Variants in CTNNA2 observed in about 807,000 individuals in gnomAD.
CTNNA2 encodes catenin alpha-2.
CTNNA2 carries 42 observed loss-of-function variants against 101.0 expected under a neutral mutation model. The ratio of observed to expected loss-of-function variants is 0.42; its 90% confidence interval spans 0.32 to 0.54. CTNNA2 has a LOEUF of 0.54. Ranked by LOEUF, CTNNA2 falls within the 20% of genes least tolerant of loss-of-function variation. CTNNA2 has a pLI of 0.14. For synonymous variants in CTNNA2, 450 were observed against 456.4 expected, an observed-to-expected ratio of 0.99 and a Z score of 0.18; for missense variants, 871 against 1,223.1, an observed-to-expected ratio of 0.71 and a Z score of 4.29.
intron 7 of CTNNA2, among the ~76,000 whole-genome samples, chr2:80,128,385 G>A (rs1702247917): frequency 6.6e-6 from 1 of 152,102 alleles, no homozygotes; most frequent in Admixed American, 6.6e-5. Flanking sequence ...TGAGGGCTTT[G>A]GGAGGATTGA....
chr2:80,196,825 G>A (rs1056211974), intron 7 of CTNNA2, among the ~76,000 whole-genome samples: 2 of 152,162 alleles, frequency 1.3e-5, no homozygotes, highest in African/African-American at 2.4e-5. Context: ...GGATCATGCA[G>A]CATCTCTGCT....
intron 15 of CTNNA2, among the ~76,000 whole-genome samples, chr2:80,598,990 A>G (rs939905485): frequency 2.6e-5 from 4 of 152,168 alleles, no homozygotes; most frequent in Admixed American, 2.6e-4. Context: ...ATAGTGAAAG[A>G]TGAATATTCC....
chr2:79,378,600 A>G (rs898572672), intron 4 of CTNNA2, among the ~76,000 whole-genome samples: 1 of 152,130 alleles, frequency 6.6e-6, no homozygotes, highest in Non-Finnish European at 1.5e-5. Context: ...TGTCACTCTA[A>G]ATATGTAGTT....
chr2:79,486,202 C>A (rs1284420703), intron 4 of CTNNA2, among the ~76,000 whole-genome samples: 1 of 151,614 alleles, frequency 6.6e-6, no homozygotes, highest in African/African-American at 2.4e-5. Flanking sequence ...TTAGGTATAT[C>A]TCCTAATGCT....
At position 79,381,058 on chromosome 2, in the gene CTNNA2, G is replaced by A. The variant is rs138752642; in HGVS notation, c.-135+7045G>A. 1.1e-3 allele frequency among the ~76,000 whole-genome samples: 162 copies of A among 152,182 alleles called. 1 individual carries two copies. Among genetic ancestry groups the A allele is most frequent in the African/African-American group, 3.6e-3 (151 of 41,524 alleles). ...TTCTTGGATTTTTGTAGAATTTTTC[G>A]GGGACAGATTGGTTATGTCAATTAA... On this transcript the variant is annotated intron_variant, in intron 4 of 21. Coordinates refer to the CTNNA2 transcript ENST00000466387.
intron 7 of CTNNA2, among the ~76,000 whole-genome samples, chr2:80,114,721 T>G (rs1468194507): frequency 6.6e-6 from 1 of 152,200 alleles, no homozygotes; most frequent in Non-Finnish European, 1.5e-5. Flanking sequence ...AATTGCATTT[T>G]CTAACCTACC....
chr2:80,200,324 G>A (rs571507041), intron 7 of CTNNA2, among the ~76,000 whole-genome samples: 3 of 152,180 alleles, frequency 2.0e-5, no homozygotes, highest in South Asian at 2.1e-4. Context: ...CATGAGGCCC[G>A]GAAGGGATGA....
intron 3 of CTNNA2, among the ~76,000 whole-genome samples, chr2:79,747,960 A>C (rs1356784868): frequency 6.6e-6 from 1 of 152,220 alleles, no homozygotes; most frequent in East Asian, 1.9e-4. Flanking sequence ...AATGGGTAAA[A>C]GCATTTAAAA....
chr2:79,675,160 A>G (rs1683098645), intron 2 of CTNNA2, among the ~76,000 whole-genome samples: 1 of 152,220 alleles, frequency 6.6e-6, no homozygotes, highest in African/African-American at 2.4e-5. Flanking sequence ...TTAATTATCC[A>G]AACTGAATTG....
intron 7 of CTNNA2, among the ~76,000 whole-genome samples, chr2:80,132,639 T>A (rs1182098624): frequency 2.0e-5 from 3 of 152,142 alleles, no homozygotes; most frequent in Non-Finnish European, 4.4e-5. Flanking sequence ...AATTGGAGAA[T>A]GGGGGTGAGA....
At chr2:80,355,659 T>G (rs1276161064) in intron 7 of CTNNA2, among the ~76,000 whole-genome samples, 1 of 152,196 alleles carries the variant, frequency 6.6e-6, no homozygotes, top group Non-Finnish European at 1.5e-5. Context: ...TCTTGTCACT[T>G]TAGTTTTAGG....
At chr2:80,496,720 T>G (rs1451658410) in intron 9 of CTNNA2, among the ~76,000 whole-genome samples, 1 of 152,240 alleles carries the variant, frequency 6.6e-6, no homozygotes, top group Non-Finnish European at 1.5e-5. Context: ...TAGTGCTTCA[T>G]GACTTGCATT....
chr2:79,241,614 A>G (rs1415890116), intron 2 of CTNNA2, among the ~76,000 whole-genome samples: 1 of 152,176 alleles, frequency 6.6e-6, no homozygotes, highest in African/African-American at 2.4e-5. Flanking sequence ...TGTATTCCAG[A>G]ATATGGTCCA....
chr2:80,178,938 C>T (rs1398715393), intron 7 of CTNNA2, among the ~76,000 whole-genome samples: 1 of 152,234 alleles, frequency 6.6e-6, no homozygotes, highest in Non-Finnish European at 1.5e-5. Flanking sequence ...ACTTCTCACT[C>T]ACTGGATCCA....
rs185238914 is a variant in CTNNA2 at position 79,805,666 on chromosome 2, G to A, written c.299-52347G>A. On this transcript the variant is annotated intron_variant, in intron 3 of 18. Coordinates refer to ENST00000402739, the MANE Select transcript of CTNNA2 (RefSeq NM_001282597.3). ...AAGAGATGATAAGTTGGCTGGGCAC[G>A]GTGGCTCATGCCTGTAATCCCAGCA... Among the ~76,000 whole-genome samples, 12 of 152,262 alleles carry A rather than the reference G, an allele frequency of 7.9e-5. No individual in the cohort carries two copies. The South Asian group carries it at 1.2e-3, about 16-fold the overall frequency.
chr2:80,097,624 C>G (rs557281859), intron 7 of CTNNA2, among the ~76,000 whole-genome samples: 1 of 152,182 alleles, frequency 6.6e-6, no homozygotes. Context: ...TCCATTCTGT[C>G]CGTCACTTTC....
intron 7 of CTNNA2, among the ~76,000 whole-genome samples, chr2:80,380,022 G>A (rs1329962010): frequency 2.7e-5 from 4 of 146,418 alleles, no homozygotes; most frequent in Non-Finnish European, 6.0e-5. Context: ...CACTGTTCGA[G>A]ATGTACTTTT....
intron 3 of CTNNA2, among the ~76,000 whole-genome samples, chr2:79,836,602 TC>T (rs1233290727): frequency 6.6e-6 from 1 of 152,180 alleles, no homozygotes; most frequent in Non-Finnish European, 1.5e-5. Context: ...AGGCCACACT[TC>T]CTTTGAAACA....
At chr2:80,281,256 A>G (rs2149160656) in intron 7 of CTNNA2, among the ~76,000 whole-genome samples, 1 of 152,206 alleles carries the variant, frequency 6.6e-6, no homozygotes, top group African/African-American at 2.4e-5. Context: ...TTATGAGGTC[A>G]TTGGAAATTT....
Sources: gnomAD v4.1 joint callset for allele counts (sites outside exome capture counted in the v4.1 genomes callset) on GRCh38, gnomAD v4.1.1 for gene constraint, MANE v1.5 for transcripts, NCBI Gene and HGNC (gene_info 2026-07-23, HGNC 2026-07-21) for gene names.